CLNK: variants seen among roughly 807,000 people sequenced by gnomAD.
CLNK encodes cytokine-dependent hematopoietic cell linker.
Under a neutral mutation model 68.6 loss-of-function variants are expected in CLNK, and 74 were observed. The ratio of observed to expected loss-of-function variants is 1.08; its 90% CI spans 0.89 to 1.31. The LOEUF (loss-of-function observed/expected upper bound fraction) is 1.31, where lower values mean the gene tolerates loss of function less well. Ranked by LOEUF, CLNK falls within the 50% of genes most tolerant of loss-of-function variation. The probability of loss-of-function intolerance (pLI) is 0.00; values close to 1 mark genes in which losing one functional copy is unlikely to be tolerated. For missense variants in CLNK, 553 were observed against 515.3 expected (o/e 1.07, Z -0.71); for synonymous variants, 198 against 172.2 (o/e 1.15, Z -1.17).
intron 2 of CLNK, among the ~76,000 whole-genome samples, chr4:10,606,941 T>C (rs1721815653): frequency 6.6e-6 from 1 of 152,202 alleles, no homozygotes; most frequent in African/African-American, 2.4e-5. Flanking sequence ...TTGTTGCGGG[T>C]ACTGCCCTGG....
At chr4:10,688,790 G>A (rs980517941), upstream of CLNK, among the ~76,000 whole-genome samples, 3 of 151,410 alleles carry the variant, frequency 2.0e-5, no homozygotes, top group African/African-American at 4.9e-5. Flanking sequence ...TTTGAGCTTC[G>A]GCTATGCATT....
chr4:10,636,324 G>A (rs79704636), intron 2 of CLNK, among the ~76,000 whole-genome samples: 6,278 of 152,186 alleles, frequency 0.041, 185 homozygotes, highest in Middle Eastern at 0.099. Context: ...GGGAACACAC[G>A]TGAAGACACA....
chr4:10,589,483 T>A (rs1721106294), intron 3 of CLNK, among the ~76,000 whole-genome samples: 1 of 152,180 alleles, frequency 6.6e-6, no homozygotes, highest in African/African-American at 2.4e-5. Context: ...TTATGCACCC[T>A]GGGGCTCTCC....
At chr4:10,533,773 T>C (rs1718641866) in intron 11 of CLNK, among the ~76,000 whole-genome samples, 1 of 152,224 alleles carries the variant, frequency 6.6e-6, no homozygotes, top group Admixed American at 6.5e-5. Context: ...AGATTGGCTG[T>C]AGGGCTTCAA....
chr4:10,716,659 A>G, the CLNK span, among the ~76,000 whole-genome samples: 1 of 151,878 alleles, frequency 6.6e-6, no homozygotes, highest in African/African-American at 2.4e-5. Context: ...AAGGAATAGG[A>G]AAGAGGCAGG....
At chr4:10,579,667 C>G (rs1054962287) in intron 4 of CLNK, among the ~76,000 whole-genome samples, 10 of 152,294 alleles carry the variant, frequency 6.6e-5, no homozygotes, top group Non-Finnish European at 1.0e-4. Flanking sequence ...GCTCTTAGAG[C>G]CAGCTAGCAA....
At chr4:10,540,647 A>G (rs1577116682) in intron 10 of CLNK, 43 bp from the exon 11 acceptor site, 1 of 1,366,632 alleles carries the variant, frequency 7.3e-7, no homozygotes, top group East Asian at 2.3e-5. Context: ...AGTTTGCTGC[A>G]GCAGTGATGC....
At chr4:10,722,256 C>G in the CLNK span, among the ~76,000 whole-genome samples, 2 of 152,046 alleles carry the variant, frequency 1.3e-5, no homozygotes, top group Admixed American at 6.5e-5. Context: ...AAGGATGTAC[C>G]AAGTCACAGA....
intron 5 of CLNK, 26 bp from the exon 6 acceptor site, chr4:10,566,176 A>C (rs202160521): frequency 7.0e-5 from 113 of 1,611,520 alleles, no homozygotes; most frequent in Non-Finnish European, 9.2e-5. Context: ...CATTCCAGTG[A>C]GTCAAAGGAA....
the CLNK span, among the ~76,000 whole-genome samples, chr4:10,720,355 A>G: frequency 6.6e-6 from 1 of 152,180 alleles, no homozygotes; most frequent in African/African-American, 2.4e-5. Context: ...AAAGATTACT[A>G]GGAACATCAC....
chr4:10,550,790 G>A (rs138260458), intron 8 of CLNK, among the ~76,000 whole-genome samples: 1 of 152,006 alleles, frequency 6.6e-6, no homozygotes, highest in Non-Finnish European at 1.5e-5. Flanking sequence ...TCCTTTTCAA[G>A]TTGAGAACTT....
intron 3 of CLNK, among the ~76,000 whole-genome samples, chr4:10,593,853 T>G (rs1721282455): frequency 6.6e-6 from 1 of 152,160 alleles, no homozygotes; most frequent in African/African-American, 2.4e-5. Flanking sequence ...AGGGTCTGAA[T>G]GTGGATAGTG....
chr4:10,509,900 C>T (rs1284533539), intron 16 of CLNK, among the ~76,000 whole-genome samples: 7 of 152,190 alleles, frequency 4.6e-5, no homozygotes, highest in African/African-American at 7.2e-5. Flanking sequence ...ATGGCAGAAC[C>T]GGCTCTGCCT....
chr4:10,730,904 TAC>T, the CLNK span, among the ~76,000 whole-genome samples: 1 of 152,132 alleles, frequency 6.6e-6, no homozygotes, highest in African/African-American at 2.4e-5. Flanking sequence ...CATGCACACA[TAC>T]ACACACACAC....
chr4:10,558,048 T>C (rs1719742268), intron 8 of CLNK, among the ~76,000 whole-genome samples: 3 of 152,236 alleles, frequency 2.0e-5, no homozygotes, highest in Non-Finnish European at 4.4e-5. Flanking sequence ...TCATATTAAT[T>C]AATCAATGTT....
upstream of CLNK, among the ~76,000 whole-genome samples, chr4:10,685,821 T>A (rs1021354482): frequency 2.6e-5 from 4 of 152,196 alleles, no homozygotes; most frequent in African/African-American, 4.8e-5. Context: ...TCCCATTTTG[T>A]AATTGTGAAA....
the CLNK span, among the ~76,000 whole-genome samples, chr4:10,696,371 A>G: frequency 6.6e-6 from 1 of 152,158 alleles, no homozygotes; most frequent in Non-Finnish European, 1.5e-5. Flanking sequence ...GCAACCTGCC[A>G]GCACCCAGCC....
chr4:10,632,525 T>C (rs1722931417), intron 2 of CLNK, among the ~76,000 whole-genome samples: 1 of 152,270 alleles, frequency 6.6e-6, no homozygotes, highest in Admixed American at 6.5e-5. Flanking sequence ...ATTCATTTCC[T>C]GTACTAAGTT....
the CLNK span, among the ~76,000 whole-genome samples, chr4:10,694,082 G>T: frequency 6.6e-6 from 1 of 151,914 alleles, no homozygotes; most frequent in Admixed American, 6.6e-5. Context: ...TGGTAGAGGC[G>T]AGGAAACCAT....
Sources: allele counts gnomAD v4.1 joint callset (sites outside exome capture counted in the v4.1 genomes callset), GRCh38; gene constraint gnomAD v4.1.1; transcripts MANE v1.5; gene names NCBI Gene and HGNC (gene_info 2026-07-23, HGNC 2026-07-21).